CA10: variants seen among roughly 807,000 people sequenced by gnomAD.
CA10 encodes carbonic anhydrase 10 (inactive).
CA10 carries 14 observed loss-of-function variants against 44.2 expected under a neutral mutation model. The ratio of observed to expected loss-of-function variants is 0.32; its 90% CI spans 0.21 to 0.50. The LOEUF (loss-of-function observed/expected upper bound fraction) is 0.50. CA10 is among the 20% of genes least tolerant of loss of function. The probability of loss-of-function intolerance (pLI) is 0.99; values close to 1 mark genes in which losing one functional copy is unlikely to be tolerated. For missense variants in CA10, 350 were observed against 409.7 expected, an observed-to-expected ratio of 0.85 and a Z score of 1.26; for synonymous variants, 159 against 141.6, an observed-to-expected ratio of 1.12 and a Z score of -0.87.
chr17:51,874,316 C>T (rs578010000), intron 3 of CA10, among the ~76,000 whole-genome samples: 1 of 151,422 alleles, frequency 6.6e-6, no homozygotes, highest in South Asian at 2.1e-4. Flanking sequence ...GAGGTTTTGT[C>T]CAACCCCTAA....
intron 3 of CA10, among the ~76,000 whole-genome samples, chr17:51,903,261 T>G (rs1981396282): frequency 6.6e-6 from 1 of 152,154 alleles, no homozygotes; most frequent in South Asian, 2.1e-4. Context: ...AGAAATTTTG[T>G]ATTTCCTCCA....
intron 4 of CA10, among the ~76,000 whole-genome samples, chr17:51,726,610 A>T (rs1463216233): frequency 6.6e-6 from 1 of 152,226 alleles, no homozygotes; most frequent in Non-Finnish European, 1.5e-5. Context: ...AAAAATCTGT[A>T]GCATTATCTG....
At chr17:51,819,055 T>C (rs1387660207) in intron 3 of CA10, among the ~76,000 whole-genome samples, 1 of 152,164 alleles carries the variant, frequency 6.6e-6, no homozygotes, top group Non-Finnish European at 1.5e-5. Context: ...ATAAAAAGGA[T>C]GCTAAAAAAA....
At position 51,944,484 on chromosome 17, in the gene CA10, C is replaced by T. The variant is rs1299454197; in HGVS notation, c.137-13352G>A. ...TTAAAAACCAAAAATGATTTGTGCA[C>T]AAAGACATTAACAAGAACATAATTT... On this transcript the variant is annotated intron_variant, in intron 2 of 8. Coordinates refer to ENST00000451037, the MANE Select transcript of CA10 (RefSeq NM_020178.5). Among the ~76,000 whole-genome samples the T allele has an allele frequency of 3.9e-5, 6 of 152,104 alleles. No individual in the cohort carries two copies. The East Asian group carries it at 1.2e-3, about 29-fold the overall frequency.
intron 2 of CA10, among the ~76,000 whole-genome samples, chr17:51,941,958 A>T (rs1279552758): frequency 5.9e-5 from 9 of 152,126 alleles, no homozygotes; most frequent in Non-Finnish European, 1.3e-4. Context: ...CTGTACGTAC[A>T]TGCAAAATTA....
At chr17:51,696,627 T>C (rs1915409600) in intron 4 of CA10, among the ~76,000 whole-genome samples, 1 of 152,182 alleles carries the variant, frequency 6.6e-6, no homozygotes, top group South Asian at 2.1e-4. Context: ...TTTGCTAGCT[T>C]TGAGGTTAGT....
intron 3 of CA10, among the ~76,000 whole-genome samples, chr17:51,863,269 C>A (rs574492155): frequency 6.6e-6 from 1 of 152,174 alleles, no homozygotes; most frequent in African/African-American, 2.4e-5. Flanking sequence ...TTATTCCATA[C>A]GCTGCTCTTT....
intron 2 of CA10, among the ~76,000 whole-genome samples, chr17:51,953,207 A>G (rs1983546877): frequency 6.6e-6 from 1 of 152,166 alleles, no homozygotes. Flanking sequence ...ATCTTGGTAT[A>G]AGCTGTGAGT....
chr17:51,834,636 T>G (rs1269152975), intron 3 of CA10, among the ~76,000 whole-genome samples: 2 of 152,152 alleles, frequency 1.3e-5, no homozygotes, highest in East Asian at 1.9e-4. Flanking sequence ...AGCAGAAGCT[T>G]CCACATGAGG....
intron 1 of CA10, among the ~76,000 whole-genome samples, chr17:52,092,963 A>G (rs1988307337): frequency 6.6e-6 from 1 of 152,190 alleles, no homozygotes; most frequent in East Asian, 1.9e-4. Flanking sequence ...TGGAACTTTA[A>G]GCAAAACAAC....
chr17:51,759,509 A>G (rs1905164074), intron 3 of CA10, among the ~76,000 whole-genome samples: 2 of 149,738 alleles, frequency 1.3e-5, no homozygotes, highest in South Asian at 2.1e-4. Context: ...TTTTTTTGGT[A>G]AGGATAATAT....
chr17:52,069,103 C>A (rs1207873871), intron 2 of CA10, among the ~76,000 whole-genome samples: 1 of 152,140 alleles, frequency 6.6e-6, no homozygotes, highest in Admixed American at 6.5e-5. Flanking sequence ...TTGGATAAGG[C>A]CCACACATAT....
At chr17:51,919,336 G>A (rs914766348) in intron 3 of CA10, among the ~76,000 whole-genome samples, 2 of 152,146 alleles carry the variant, frequency 1.3e-5, no homozygotes, top group Non-Finnish European at 2.9e-5. Context: ...TTCTTGGAGA[G>A]AATGTACAAC....
intron 1 of CA10, among the ~76,000 whole-genome samples, chr17:52,110,121 T>G (rs1376827298): frequency 6.6e-6 from 1 of 152,234 alleles, no homozygotes; most frequent in African/African-American, 2.4e-5. Flanking sequence ...CAGCATGGTC[T>G]CTGTATAAGC....
chr17:51,692,807 C>T (rs1915261507), intron 4 of CA10, among the ~76,000 whole-genome samples: 1 of 152,174 alleles, frequency 6.6e-6, no homozygotes, highest in Non-Finnish European at 1.5e-5. Flanking sequence ...TTTAAATGAA[C>T]ACCAAGGAGT....
intron 1 of CA10, among the ~76,000 whole-genome samples, chr17:52,148,387 A>G (rs1391027851): frequency 6.6e-6 from 1 of 152,226 alleles, no homozygotes; most frequent in East Asian, 1.9e-4. Flanking sequence ...AGCCTTTGGT[A>G]TGGTGTCATA....
intron 8 of CA10, among the ~76,000 whole-genome samples, chr17:51,632,890 G>A (rs1333985160): frequency 6.6e-6 from 1 of 152,150 alleles, no homozygotes; most frequent in Non-Finnish European, 1.5e-5. Context: ...CCCTTTAGTG[G>A]GAATAATAAC....
rs188302964 is a variant in CA10, at chr17:52,153,998, C to T, written c.61+3728G>A. On this transcript the variant is annotated intron_variant, in intron 1 of 8. Coordinates refer to ENST00000451037, the MANE Select transcript of CA10 (RefSeq NM_020178.5). ...TTCCTTGCTTGTAGAGATTGCTGAT[C>T]CTAAGATGCTAGAGGCATTTGGGTA... 5.0e-3 allele frequency among the ~76,000 whole-genome samples: 767 copies of T among 152,200 alleles called. 6 individuals carry two copies. Among genetic ancestry groups the T allele is most frequent in the South Asian group, 0.032 (156 of 4,820 alleles).
At chr17:51,859,731 T>C (rs969884710) in intron 3 of CA10, among the ~76,000 whole-genome samples, 1 of 152,184 alleles carries the variant, frequency 6.6e-6, no homozygotes, top group Non-Finnish European at 1.5e-5. Flanking sequence ...CACAGGGTTT[T>C]TGTGAAGACT....
Sources: allele counts gnomAD v4.1 joint callset (sites outside exome capture counted in the v4.1 genomes callset), GRCh38; gene constraint gnomAD v4.1.1; transcripts MANE v1.5; gene names NCBI Gene and HGNC (gene_info 2026-07-23, HGNC 2026-07-21).